MTMR3: variants seen among roughly 807,000 people sequenced by gnomAD.
MTMR3 encodes myotubularin related protein 3, also known as phosphatidylinositol-3,5-bisphosphate 3-phosphatase MTMR3.
MTMR3 carries 32 observed loss-of-function variants against 132.4 expected under a neutral mutation model. That is an observed-to-expected ratio of 0.24 (90% CI 0.18 to 0.32). The LOEUF (loss-of-function observed/expected upper bound fraction) is 0.32. MTMR3 is among the 10% of genes least tolerant of loss of function. MTMR3 has a pLI of 1.00. For synonymous variants in MTMR3, 556 were observed against 550.3 expected, an observed-to-expected ratio of 1.01 and a Z score of -0.14; for missense variants, 1,216 against 1,489.6, an observed-to-expected ratio of 0.82 and a Z score of 3.02.
At chr22:29,886,244 A>G (rs577328105) in intron 1 of MTMR3, among the ~76,000 whole-genome samples, 1 of 152,370 alleles carries the variant, frequency 6.6e-6, no homozygotes, top group East Asian at 1.9e-4. Context: ...TAGGAAAGAA[A>G]ATGAAAATGA....
At chr22:29,963,413 A>G (rs1305927595) in intron 2 of MTMR3, among the ~76,000 whole-genome samples, 2 of 129,164 alleles carry the variant, frequency 1.5e-5, no homozygotes, top group South Asian at 4.9e-4. Context: ...TTTTTTTGAG[A>G]TGAGTCTTGC....
At position 29,971,027 on chromosome 22, in the gene MTMR3, G is replaced by A. The variant is rs757325001; in HGVS notation, c.-33G>A. ...CCTTGTTGGACACTGAAGAAGGGAC[G>A]GGGATTTCTCCTCCTAATCTGGGCC... On this transcript the variant is annotated 5_prime_UTR_variant, in exon 3 of 20. Coordinates refer to ENST00000401950, the MANE Select transcript of MTMR3 (RefSeq NM_021090.4). 4.4e-6 allele frequency: 7 copies of A among 1,575,640 alleles called. No homozygotes were observed. The African/African-American group carries it at 5.6e-5, about 13-fold the overall frequency.
At chr22:29,943,719 T>C (rs961907918) in intron 1 of MTMR3, among the ~76,000 whole-genome samples, 1 of 152,180 alleles carries the variant, frequency 6.6e-6, no homozygotes, top group Admixed American at 6.5e-5. Flanking sequence ...GAGGCTCTTA[T>C]AGTCTTAGAA....
chr22:29,977,894 C>T lies in MTMR3; in HGVS notation c.4-548C>T, dbSNP rs551796034. On this transcript the variant is annotated intron_variant, in intron 3 of 19. Coordinates refer to ENST00000401950, the MANE Select transcript of MTMR3 (RefSeq NM_021090.4). ...GGGCACAGTGGCTCATGTCTGTTAT[C>T]GCAGCACTTTGGGAGGCTGAGGCAG... Among the ~76,000 whole-genome samples, 27 of 152,266 alleles carry T rather than the reference C, an allele frequency of 1.8e-4. No individual in the cohort carries two copies. In the South Asian group the frequency reaches 2.1e-3, roughly 12 times the overall value.
intron 19 of MTMR3, chr22:30,023,785 G>A: frequency 5.0e-6 from 2 of 403,500 alleles, no homozygotes; most frequent in Non-Finnish European, 9.1e-6. Flanking sequence ...GGTTTTCAGA[G>A]CTATTTATTT....
intron 1 of MTMR3, among the ~76,000 whole-genome samples, chr22:29,897,058 AT>A (rs1204787744): frequency 6.6e-6 from 1 of 151,398 alleles, no homozygotes; most frequent in South Asian, 2.1e-4. Context: ...AATTCAGTAG[AT>A]TTTTTTTCTT....
chr22:29,924,898 G>T (rs2065484981), intron 1 of MTMR3, among the ~76,000 whole-genome samples: 1 of 152,120 alleles, frequency 6.6e-6, no homozygotes, highest in African/African-American at 2.4e-5. Flanking sequence ...CTTGAACCAA[G>T]AATAGAATTG....
chr22:30,025,397 T>C (rs2067890426), intron 19 of MTMR3: 1 of 564,442 alleles, frequency 1.8e-6, no homozygotes, highest in South Asian at 2.1e-5. Flanking sequence ...TTTGAGTCAG[T>C]GGTGAGGCAG....
chr22:29,944,227 A>G (rs2065912483), intron 1 of MTMR3, among the ~76,000 whole-genome samples: 1 of 151,656 alleles, frequency 6.6e-6, no homozygotes, highest in Admixed American at 6.6e-5. Flanking sequence ...AGATTGGTGC[A>G]AAAGTAATTG....
intron 1 of MTMR3, among the ~76,000 whole-genome samples, chr22:29,942,602 T>C (rs36601): frequency 0.78 from 118,975 of 152,080 alleles, 46,964 homozygotes; most frequent in East Asian, 0.91. Context: ...CCGTAAAAGA[T>C]AGCCGTCCCC....
At chr22:29,985,563 G>C (rs1330550610) in intron 5 of MTMR3, 4 of 152,194 alleles carry the variant, frequency 2.6e-5, no homozygotes, top group African/African-American at 9.6e-5. Context: ...AAACACTGCA[G>C]TAGAAAGGAG....
intron 1 of MTMR3, among the ~76,000 whole-genome samples, chr22:29,902,118 T>C (rs1179415487): frequency 6.6e-6 from 1 of 152,138 alleles, no homozygotes; most frequent in Non-Finnish European, 1.5e-5. Flanking sequence ...AAAAAGCTGG[T>C]GATTTTCACA....
intron 1 of MTMR3, among the ~76,000 whole-genome samples, chr22:29,895,292 A>C (rs189690127): frequency 5.3e-5 from 8 of 151,940 alleles, no homozygotes; most frequent in Admixed American, 5.2e-4. Flanking sequence ...TTGGATTGTG[A>C]ATTTTAAATC....
chr22:29,942,223 C>T (rs563756689), intron 1 of MTMR3, among the ~76,000 whole-genome samples: 11 of 152,010 alleles, frequency 7.2e-5, no homozygotes, highest in African/African-American at 1.4e-4. Context: ...TGTCACATGT[C>T]GGCAGCTTCC....
chr22:29,996,140 A>C (rs2067055584), intron 7 of MTMR3: 1 of 152,222 alleles, frequency 6.6e-6, no homozygotes, highest in African/African-American at 2.4e-5. Context: ...TCTCTCAAAA[A>C]CTGAATAAAT....
chr22:29,966,195 GAT>G, intron 2 of MTMR3, among the ~76,000 whole-genome samples: 1 of 152,070 alleles, frequency 6.6e-6, no homozygotes, highest in Non-Finnish European at 1.5e-5. Context: ...ATAGTTAAAA[GAT>G]AAATTCTTTT....
chr22:29,996,971 AAGC>A (rs1237770237), intron 7 of MTMR3: 1 of 152,290 alleles, frequency 6.6e-6, no homozygotes, highest in Admixed American at 6.5e-5. Flanking sequence ...TCCTGGGCTC[AAGC>A]AATCTGCCTG....
At chr22:29,900,833 C>T (rs972254115) in intron 1 of MTMR3, among the ~76,000 whole-genome samples, 14 of 152,094 alleles carry the variant, frequency 9.2e-5, no homozygotes, top group Non-Finnish European at 1.3e-4. Flanking sequence ...CCTGCCTCAT[C>T]CCCCTAAGTA....
At chr22:29,904,821 TGTG>T (rs753762578) in intron 1 of MTMR3, among the ~76,000 whole-genome samples, 649 of 24,300 alleles carry the variant, frequency 0.027, 2 homozygotes, top group Non-Finnish European at 0.052. Context: ...GTGTGTGTGT[TGTG>T]TGTGTGTGTG....
Sources: gnomAD v4.1 joint callset for allele counts (sites outside exome capture counted in the v4.1 genomes callset) on GRCh38, gnomAD v4.1.1 for gene constraint, MANE v1.5 for transcripts, NCBI Gene and HGNC (gene_info 2026-07-23, HGNC 2026-07-21) for gene names.